POGZ: variants seen among roughly 807,000 people sequenced by gnomAD.
The protein encoded by POGZ is pogo transposable element with ZNF domain.
A neutral mutation model predicts 134.6 loss-of-function variants in POGZ; 17 were observed. That is an observed-to-expected ratio of 0.13 (90% CI 0.09 to 0.19). The LOEUF (loss-of-function observed/expected upper bound fraction) is 0.19. Among genes scored for constraint, POGZ ranks in the 10% least tolerant of loss-of-function variants. POGZ has a pLI of 1.00. For missense variants in POGZ, 1,306 were observed against 1,769.7 expected, an observed-to-expected ratio of 0.74 and a Z score of 4.70; for synonymous variants, 693 against 657.1, an observed-to-expected ratio of 1.05 and a Z score of -0.84.
At chr1:151,416,251 GA>G (rs71090163) in intron 10 of POGZ, among the ~76,000 whole-genome samples, 2,415 of 96,474 alleles carry the variant, frequency 0.025, 77 homozygotes, top group African/African-American at 0.086. Flanking sequence ...AGAAAGAAAA[GA>G]AAAAAAAAAA....
At chr1:151,446,522 G>A (rs13374715) in intron 1 of POGZ, among the ~76,000 whole-genome samples, 2 of 151,998 alleles carry the variant, frequency 1.3e-5, no homozygotes, top group African/African-American at 4.8e-5. Flanking sequence ...TTGGGAGGCC[G>A]AGGCGGGGGG....
rs1303446384 is a variant in POGZ, at chr1:151,427,909, C to T, written c.992G>A (p.Gly331Asp). Residue 331 changes from glycine to aspartate, a missense_variant, in exon 7 of 19, where the codon GGC becomes GAC. Transcript: ENST00000271715. ...CACCACCACTGGCCCAGGACTCTGG[C>T]CCAGGGAAGGGATGGTGTTAAGGGT... is the stretch of plus-strand genomic sequence containing the variant. ...VNTLNTIPSL[G>D]QSPGPVVVSN... 1.2e-6 allele frequency: 2 copies of T among 1,614,022 alleles called. No individual in the cohort carries two copies. The highest frequency in any genetic ancestry group is 1.7e-6 in the Non-Finnish European group (2 of 1,179,890).
intron 10 of POGZ, among the ~76,000 whole-genome samples, chr1:151,419,174 C>G (rs1571403240): frequency 6.6e-6 from 1 of 151,696 alleles, no homozygotes; most frequent in African/African-American, 2.4e-5. Flanking sequence ...AACGACACGG[C>G]GAAACCCCAT....
At chr1:151,408,387 G>A (rs757595639) in intron 14 of POGZ, 22 bp downstream of exon 14, 3 of 1,553,308 alleles carry the variant, frequency 1.9e-6, no homozygotes, top group Non-Finnish European at 2.6e-6. Context: ...CACCCGCCCA[G>A]CACTTAGAAG....
At position 151,419,668 on chromosome 1, in the gene POGZ, C is replaced by CAAAAAA. The variant is rs59593149; in HGVS notation, c.1678+3723_1678+3728dup. Among the ~76,000 whole-genome samples the CAAAAAA allele has an allele frequency of 7.8e-4, 34 of 43,652 alleles. 9 individuals are homozygous for CAAAAAA. The highest frequency in any genetic ancestry group is 9.1e-4 in the Non-Finnish European group (25 of 27,392). 28.6% of individuals were successfully genotyped at this position (43,652 alleles called of 152,430 possible). ...TGGCTAACAGAGTGAGACCCTGTCT[C>CAAAAAA]AAAAAAAAAAAAAAAAAAAAAAAAA... is the stretch of plus-strand genomic sequence containing the variant. On this transcript the variant is annotated intron_variant, in intron 10 of 18. Coordinates refer to ENST00000271715, the MANE Select transcript of POGZ (RefSeq NM_015100.4).
chr1:151,405,781 G>A lies in POGZ; in HGVS notation c.3254C>T (p.Ala1085Val), dbSNP rs767650742. 8 of 1,614,070 alleles carry A rather than the reference G, an allele frequency of 5.0e-6. No individual in the cohort carries two copies. In the African/African-American group the frequency reaches 8.0e-5, roughly 16 times the overall value. The change falls in exon 19 of 19, where the codon GCC becomes GTC. Residue 1085 changes from alanine to valine, a missense_variant. Physicochemically the swap from Ala to Val is moderately conservative, Grantham distance 64. Transcript: ENST00000271715. The surrounding 1 kb of genome is among the most constrained non-coding windows in gnomAD (Gnocchi z 4.9). The stretch of plus-strand genomic sequence containing the variant: ...TAGGGTGTGGGCCACAGCTCGCCGG[G>A]CATGGGGAGTCAGGTGGTGCCGCAG... ...FMLRHHLTPH[A>V]RRAVAHTLPK... is the part of the protein sequence containing the mutation.
At position 151,423,954 on chromosome 1, in the gene POGZ, A is replaced by G. The variant is rs745929426; in HGVS notation, c.1518T>C (p.Asn506=). 3 of 1,612,304 alleles carry G rather than the reference A, an allele frequency of 1.9e-6. No homozygotes were observed. Among genetic ancestry groups the G allele is most frequent in the Admixed American group, 3.3e-5 (2 of 59,940 alleles). The change falls in exon 9 of 19, where the codon AAT becomes AAC. Residue 506 remains asparagine, a synonymous_variant. Coordinates refer to ENST00000271715, the MANE Select transcript of POGZ (RefSeq NM_015100.4). ...CAAGGCTCTTAAACACTTACCGAATATTGTTTTTTAGCCTTTTGGTACAAT... is the reference window on the plus strand; with the variant it reads ...CAAGGCTCTTAAACACTTACCGAATGTTGTTTTTTAGCCTTTTGGTACAAT... ...CPHCTKRLKN[N]IRFMNHMKHH... is the part of the protein sequence containing the mutation.
chr1:151,423,631 A>T, intron 9 of POGZ, 80 bp from the exon 10 acceptor site: 1 of 1,139,628 alleles, frequency 8.8e-7, no homozygotes, highest in Non-Finnish European at 1.3e-6. Context: ...AAAATCACAG[A>T]ACAAACATTA....
chr1:151,405,377 G>C lies in POGZ; in HGVS notation c.3658C>G (p.Gln1220Glu), dbSNP rs773075957. The C allele has an allele frequency of 6.2e-7, 1 of 1,614,046 alleles. No individual in the cohort carries two copies. Among genetic ancestry groups the C allele is most frequent in the South Asian group, 1.1e-5 (1 of 91,074 alleles). ...ATCACAAGCATGCCTTTGCTGCGCTGGCAAGCTGTGTGCTTCTGCCACACT... is the reference window on the plus strand; with the variant it reads ...ATCACAAGCATGCCTTTGCTGCGCTCGCAAGCTGTGTGCTTCTGCCACACT... ...TRVWQKHTACQRSKGMLVMDC... is the reference protein window; with the variant it reads ...TRVWQKHTACERSKGMLVMDC... Residue 1220 changes from glutamine to glutamate, a missense_variant, in exon 19 of 19, where the codon CAG (glutamine) becomes GAG (glutamate). Gln to Glu is a conservative substitution (Grantham distance 29, BLOSUM62 2). Coordinates refer to ENST00000271715, the MANE Select transcript of POGZ (RefSeq NM_015100.4). This position sits in a 1 kb window ranked among gnomAD's most constrained non-coding sequence, Gnocchi z 4.9.
At chr1:151,443,607 G>A (rs1046481100) in intron 1 of POGZ, among the ~76,000 whole-genome samples, 17 of 152,118 alleles carry the variant, frequency 1.1e-4, no homozygotes, top group African/African-American at 3.9e-4. Context: ...CCGGCTACTC[G>A]GGAGGCTGAG....
At chr1:151,416,816 G>C (rs1655807360) in intron 10 of POGZ, among the ~76,000 whole-genome samples, 1 of 151,864 alleles carries the variant, frequency 6.6e-6, no homozygotes, top group Admixed American at 6.6e-5. Flanking sequence ...AAAACAGAGA[G>C]AGATAAGGTC....
Position 151,404,174 on chromosome 1 carries a change from G to A in POGZ, c.*628C>T, listed in dbSNP as rs1571315704. 1.0e-6 allele frequency: 1 copy of A among 985,506 alleles called. No homozygotes were observed. The highest frequency in any genetic ancestry group is 1.2e-6 in the Non-Finnish European group (1 of 829,816). 61.0% of individuals were successfully genotyped at this position (985,506 alleles called of 1,614,324 possible). A position where few individuals can be genotyped will look rare whatever the true frequency, so the allele number is the denominator to read the frequency against. ...TGTAGAAACCAACATCTCTGGAGAGGGAAGGAAAGAAAAGGAGAAGGAAGA... is the reference window on the plus strand; with the variant it reads ...TGTAGAAACCAACATCTCTGGAGAGAGAAGGAAAGAAAAGGAGAAGGAAGA... On this transcript the variant is annotated 3_prime_UTR_variant, in exon 19 of 19. Transcript: ENST00000271715.
chr1:151,406,903 C>G lies in POGZ; in HGVS notation c.2545+8G>C, dbSNP rs1387978230. 6.2e-7 allele frequency: 1 copy of G among 1,602,682 alleles called. No homozygotes were observed. Among genetic ancestry groups the G allele is most frequent in the Non-Finnish European group, 8.6e-7 (1 of 1,169,550 alleles). ...CTTGCTCAACTAATCCCCTTCTCTCCTACTTACCCCGTGGCAGGATGCTGC... is the reference window on the plus strand; with the variant it reads ...CTTGCTCAACTAATCCCCTTCTCTCGTACTTACCCCGTGGCAGGATGCTGC... On this transcript the variant is annotated splice_region_variant and intron_variant, in intron 17 of 18. Coordinates refer to ENST00000271715, the MANE Select transcript of POGZ (RefSeq NM_015100.4).
At chr1:151,416,210 C>CAAAAAAAAAAAAAAAAAAAAAAAAAAA (rs1212371839) in intron 10 of POGZ, among the ~76,000 whole-genome samples, 4 of 42,784 alleles carry the variant, frequency 9.3e-5, no homozygotes, top group Admixed American at 4.2e-4. Flanking sequence ...AACTCCATCT[C>CAAAAAAAAAAAAAAAAAAAAAAAAAAA]AAAAAAAAAA....
intron 1 of POGZ, among the ~76,000 whole-genome samples, chr1:151,458,616 C>G (rs1194464944): frequency 1.4e-5 from 2 of 147,600 alleles, no homozygotes; most frequent in Non-Finnish European, 3.0e-5. Context: ...CGCCGCCCGC[C>G]CCTCCGCCGC....
intron 12 of POGZ, among the ~76,000 whole-genome samples, chr1:151,410,579 C>A (rs1654491804): frequency 6.6e-6 from 1 of 152,150 alleles, no homozygotes; most frequent in Non-Finnish European, 1.5e-5. Flanking sequence ...TAAGCCTTCT[C>A]TTATTCTCAA....
chr1:151,403,836 T>TC lies in POGZ; in HGVS notation c.*965_*966insG. On this transcript the variant is annotated 3_prime_UTR_variant, in exon 19 of 19. Coordinates refer to ENST00000271715, the MANE Select transcript of POGZ (RefSeq NM_015100.4). ...CAGGCATGCTCTCCATCTAACAGGATGAAGTTCAGTAAAGCAGGGACTGCC... is the reference window on the plus strand; with the variant it reads ...CAGGCATGCTCTCCATCTAACAGGATCGAAGTTCAGTAAAGCAGGGACTGCC... 1 of 985,478 alleles carries TC rather than the reference T, an allele frequency of 1.0e-6. No homozygotes were observed. The highest frequency in any genetic ancestry group is 1.2e-6 in the Non-Finnish European group (1 of 829,930). 61.0% of individuals were successfully genotyped at this position (985,478 alleles called of 1,614,324 possible). A position where few individuals can be genotyped will look rare whatever the true frequency, so the allele number is the denominator to read the frequency against.
chr1:151,411,357 C>T (rs937481405), intron 12 of POGZ, among the ~76,000 whole-genome samples: 1 of 152,162 alleles, frequency 6.6e-6, no homozygotes, highest in African/African-American at 2.4e-5. Context: ...TTACTAGGCA[C>T]CCAGAATAGC....
In POGZ at chr1:151,428,156, C is replaced by T; in HGVS notation, c.826G>A (p.Gly276Ser). ...GGATTCGTGGTCTGGTTTGACTGGC[C>T]TGGAGACTGAACAGCTAGTTGCCCC... is the stretch of plus-strand genomic sequence containing the variant. Reference protein sequence around the residue: ...SLGQLAVQSPGQSNQTTNPKL... With the variant: ...SLGQLAVQSPSQSNQTTNPKL... The change falls in exon 6 of 19, where the codon GGC (glycine) becomes AGC (serine). Residue 276 changes from glycine to serine, a missense_variant. Physicochemically the swap from Gly to Ser is moderately conservative, Grantham distance 56. This residue lies in a region of POGZ where 541 missense variants were observed against 680.5 expected (regional missense o/e 0.80). Coordinates refer to ENST00000271715, the MANE Select transcript of POGZ (RefSeq NM_015100.4). 1.2e-6 allele frequency: 2 copies of T among 1,614,166 alleles called. No individual in the cohort carries two copies. The highest frequency in any genetic ancestry group is 1.7e-6 in the Non-Finnish European group (2 of 1,180,036).
Sources: allele counts gnomAD v4.1 joint callset (sites outside exome capture counted in the v4.1 genomes callset), GRCh38; gene constraint gnomAD v4.1.1; regional missense constraint gnomAD v4.1.1; non-coding constraint Gnocchi (gnomAD v3.1); transcripts MANE v1.5; gene names NCBI Gene and HGNC (gene_info 2026-07-23, HGNC 2026-07-21).